Variants in WWOX observed in about 807,000 individuals in gnomAD.
The protein encoded by WWOX is WW domain-containing oxidoreductase.
WWOX carries 69 observed loss-of-function variants against 46.2 expected under a neutral mutation model. The ratio of observed to expected loss-of-function variants is 1.49; its 90% confidence interval spans 1.23 to 1.82. WWOX has a LOEUF of 1.82. Among genes scored for constraint, WWOX ranks in the 40% most tolerant of loss-of-function variants. The pLI is 0.00. For synonymous variants in WWOX, 359 were observed against 202.6 expected (o/e 1.77, Z -6.56); for missense variants, 919 against 542.6 (o/e 1.69, Z -6.89).
At chr16:78,481,724 A>T (rs1344395367) in intron 8 of WWOX, among the ~76,000 whole-genome samples, 2 of 136,970 alleles carry the variant, frequency 1.5e-5, no homozygotes, top group Non-Finnish European at 3.1e-5. Context: ...GGGCAAGGGA[A>T]GTGTGTGTGT....
chr16:78,868,062 A>G (rs1009319946), intron 8 of WWOX, among the ~76,000 whole-genome samples: 23 of 152,234 alleles, frequency 1.5e-4, no homozygotes, highest in African/African-American at 5.3e-4. Flanking sequence ...AAATGCTTAT[A>G]CAAAGTCTTG....
intron 4 of WWOX, among the ~76,000 whole-genome samples, chr16:78,144,469 A>ATATATATATATATG (rs2034112453): frequency 7.1e-5 from 1 of 14,112 alleles, no homozygotes; most frequent in Non-Finnish European, 1.3e-4. Flanking sequence ...ATATACACAC[A>ATATATATATATATG]TATATATATA....
chr16:78,395,935 T>C (rs2082275479), intron 6 of WWOX, among the ~76,000 whole-genome samples: 1 of 152,158 alleles, frequency 6.6e-6, no homozygotes, highest in Non-Finnish European at 1.5e-5. Flanking sequence ...TTCAGATGAG[T>C]TGCCATAAAA....
intron 8 of WWOX, among the ~76,000 whole-genome samples, chr16:79,071,381 G>C (rs997242630): frequency 6.6e-6 from 1 of 152,228 alleles, no homozygotes; most frequent in East Asian, 1.9e-4. Context: ...CCATTTGAGA[G>C]GGTGTGAAAT....
At chr16:78,677,853 A>G (rs930446756) in intron 8 of WWOX, among the ~76,000 whole-genome samples, 2 of 152,208 alleles carry the variant, frequency 1.3e-5, no homozygotes, top group African/African-American at 4.8e-5. Context: ...TACAGAACCA[A>G]ACATTTCTTA....
At chr16:78,135,066 A>G (rs1228622973) in intron 4 of WWOX, among the ~76,000 whole-genome samples, 1 of 152,226 alleles carries the variant, frequency 6.6e-6, no homozygotes, top group African/African-American at 2.4e-5. Context: ...AGTCCCTGCA[A>G]TACAGACAAA....
intron 8 of WWOX, among the ~76,000 whole-genome samples, chr16:78,444,839 C>T (rs1056492625): frequency 3.3e-5 from 5 of 152,096 alleles, no homozygotes; most frequent in Admixed American, 6.6e-5. Flanking sequence ...CTATGAGGAG[C>T]AGTTCTTTCA....
In WWOX at chr16:78,232,911, G is replaced by T. The variant is rs564244815; in HGVS notation, c.516+68622G>T. Among the ~76,000 whole-genome samples the T allele has an allele frequency of 6.5e-4, 99 of 151,340 alleles. 1 individual carries two copies. Among genetic ancestry groups the T allele is most frequent in the Middle Eastern group, 3.4e-3 (1 of 292 alleles). On this transcript the variant is annotated intron_variant, in intron 5 of 8. Transcript: ENST00000566780. ...GGCTGGAGTGCAGTGGTGCTATTTC[G>T]GCTAACTGCAATCTCTGCCTCCTGG...
chr16:78,849,588 A>AAG lies in WWOX; in HGVS notation c.1057-362019_1057-362018insGA, dbSNP rs1555549766. Among the ~76,000 whole-genome samples, 366 of 150,818 alleles carry AAG rather than the reference A, an allele frequency of 2.4e-3. 1 individual carries two copies. The highest frequency in any genetic ancestry group is 7.8e-3 in the African/African-American group (319 of 41,110). ...GAATCCCTCTCAAAAAAAAAAAAAA[A>AAG]AAAAGAAAACAACTACAACCACATT... On this transcript the variant is annotated intron_variant, in intron 8 of 8. Transcript: ENST00000566780.
intron 8 of WWOX, among the ~76,000 whole-genome samples, chr16:79,033,163 A>T (rs1320995072): frequency 1.4e-5 from 2 of 146,706 alleles, no homozygotes; most frequent in Non-Finnish European, 3.0e-5. Flanking sequence ...TAATATATAT[A>T]TAAAATATAT....
At chr16:78,587,474 C>G (rs146821646) in intron 8 of WWOX, among the ~76,000 whole-genome samples, 28 of 152,004 alleles carry the variant, frequency 1.8e-4, no homozygotes, top group Admixed American at 1.8e-3. Context: ...TAATTGATTC[C>G]AAACGTGCAT....
intron 8 of WWOX, among the ~76,000 whole-genome samples, chr16:78,929,253 G>T (rs1029880409): frequency 2.5e-5 from 3 of 122,216 alleles, no homozygotes; most frequent in Non-Finnish European, 5.1e-5. Flanking sequence ...ATCATACAGT[G>T]ATTTTTTTTT....
intron 5 of WWOX, among the ~76,000 whole-genome samples, chr16:78,337,198 T>C (rs943887589): frequency 2.6e-4 from 39 of 152,230 alleles, no homozygotes; most frequent in African/African-American, 9.2e-4. Flanking sequence ...GACTGTGTTA[T>C]TAGCAAATCC....
intron 8 of WWOX, among the ~76,000 whole-genome samples, chr16:78,610,422 A>G (rs540166790): frequency 1.3e-5 from 2 of 152,344 alleles, no homozygotes; most frequent in African/African-American, 4.8e-5. Flanking sequence ...CAAAGGAAGA[A>G]CAAATCTGTC....
intron 8 of WWOX, among the ~76,000 whole-genome samples, chr16:79,136,105 G>C (rs1448642157): frequency 1.3e-5 from 2 of 152,072 alleles, no homozygotes; most frequent in Non-Finnish European, 2.9e-5. Context: ...TTTAAGTCTT[G>C]TATTTTCCAA....
At chr16:78,254,333 C>T (rs1427681905) in intron 5 of WWOX, among the ~76,000 whole-genome samples, 3 of 152,044 alleles carry the variant, frequency 2.0e-5, no homozygotes, top group African/African-American at 7.2e-5. Context: ...AATCCTCCCA[C>T]CTCGGCCTCC....
At chr16:78,715,424 G>C (rs541756033) in intron 8 of WWOX, among the ~76,000 whole-genome samples, 293 of 152,200 alleles carry the variant, frequency 1.9e-3, no homozygotes, top group Non-Finnish European at 7.6e-4. Flanking sequence ...TGTGGAAAGA[G>C]GGGTAGGAAT....
At position 78,123,435 on chromosome 16, in the gene WWOX, G is replaced by GTTTTTTTTTTTTTTTTTTTTTTTT. The variant is rs200594331; in HGVS notation, c.409+8285_409+8286insTTTTTTTTTTTTTTTTTTTTTTTT. On this transcript the variant is annotated intron_variant, in intron 4 of 8. Coordinates refer to ENST00000566780, the MANE Select transcript of WWOX (RefSeq NM_016373.4). ...CCCTATGTTTTTTTCTTTGTTTTTT[G>GTTTTTTTTTTTTTTTTTTTTTTTT]TTTTGTTTTTTTTTTTTTTGTTTTT... 23 of 48,704 alleles carry GTTTTTTTTTTTTTTTTTTTTTTTT rather than the reference G, an allele frequency of 4.7e-4. 3 individuals carry two copies. Among genetic ancestry groups the GTTTTTTTTTTTTTTTTTTTTTTTT allele is most frequent in the Non-Finnish European group, 6.6e-4 (16 of 24,304 alleles). 3.0% of individuals were successfully genotyped at this position (48,704 alleles called of 1,614,324 possible).
intron 8 of WWOX, among the ~76,000 whole-genome samples, chr16:78,997,280 A>G (rs922366371): frequency 6.6e-6 from 1 of 152,206 alleles, no homozygotes; most frequent in Admixed American, 6.5e-5. Flanking sequence ...ATGTTATAAT[A>G]TAAGGTCCTT....
Sources: gnomAD v4.1 joint callset for allele counts (sites outside exome capture counted in the v4.1 genomes callset) on GRCh38, gnomAD v4.1.1 for gene constraint, MANE v1.5 for transcripts, NCBI Gene and HGNC (gene_info 2026-07-23, HGNC 2026-07-21) for gene names.